Variants in STXBP5L observed in about 807,000 individuals in gnomAD.
STXBP5L encodes syntaxin-binding protein 5-like.
In STXBP5L, 65 loss-of-function variants were observed where a neutral mutation model predicts 144.5. The ratio of observed to expected loss-of-function variants is 0.45; its 90% CI spans 0.37 to 0.55. The LOEUF (loss-of-function observed/expected upper bound fraction) is 0.55, where lower values mean the gene tolerates loss of function less well. Among genes scored for constraint, STXBP5L ranks in the 20% least tolerant of loss-of-function variants. STXBP5L has a pLI of 0.00. For missense variants in STXBP5L, 1,298 were observed against 1,405.5 expected, an observed-to-expected ratio of 0.92 and a Z score of 1.22; for synonymous variants, 505 against 469.6, an observed-to-expected ratio of 1.08 and a Z score of -0.97.
intron 20 of STXBP5L, chr3:121,357,623 C>T (rs1488854135): frequency 6.6e-6 from 1 of 152,204 alleles, no homozygotes; most frequent in African/African-American, 2.4e-5. Flanking sequence ...TTTACTGATG[C>T]TTCAGAGTGC....
At chr3:121,134,447 C>T (rs903427692) in intron 7 of STXBP5L, among the ~76,000 whole-genome samples, 8 of 152,014 alleles carry the variant, frequency 5.3e-5, no homozygotes, top group South Asian at 2.1e-4. Context: ...GGTACATGTG[C>T]GCAATGTGTA....
chr3:121,061,044 G>T (rs1399130539), intron 5 of STXBP5L, among the ~76,000 whole-genome samples: 1 of 151,946 alleles, frequency 6.6e-6, no homozygotes, highest in Non-Finnish European at 1.5e-5. Context: ...TGCTTTTTTA[G>T]TTCTTTTAAT....
chr3:121,175,589 G>A (rs1353886330), intron 9 of STXBP5L, among the ~76,000 whole-genome samples: 1 of 151,850 alleles, frequency 6.6e-6, no homozygotes, highest in Non-Finnish European at 1.5e-5. Flanking sequence ...TAAATGTTAA[G>A]TAAATAGTGG....
At chr3:121,198,696 T>C (rs2048017720) in intron 9 of STXBP5L, among the ~76,000 whole-genome samples, 1 of 152,242 alleles carries the variant, frequency 6.6e-6, no homozygotes, top group Non-Finnish European at 1.5e-5. Context: ...TTCTGTTTTC[T>C]GCATATCGCT....
At chr3:120,997,518 G>T (rs1379685116) in intron 3 of STXBP5L, among the ~76,000 whole-genome samples, 1 of 152,080 alleles carries the variant, frequency 6.6e-6, no homozygotes, top group African/African-American at 2.4e-5. Context: ...ATTTTAATGT[G>T]CATTTCTCTA....
intron 5 of STXBP5L, among the ~76,000 whole-genome samples, chr3:121,094,479 A>T (rs1272365620): frequency 2.0e-5 from 3 of 152,088 alleles, no homozygotes; most frequent in Non-Finnish European, 4.4e-5. Flanking sequence ...ATATATATTT[A>T]GGATAGTTAG....
At chr3:120,999,413 C>A (rs540413026) in intron 3 of STXBP5L, among the ~76,000 whole-genome samples, 13 of 152,120 alleles carry the variant, frequency 8.5e-5, no homozygotes, top group African/African-American at 3.1e-4. Flanking sequence ...TTTTCTTTTC[C>A]ATTTGCATGA....
chr3:121,365,520 G>A (rs1456549232), intron 20 of STXBP5L, among the ~76,000 whole-genome samples: 1 of 151,300 alleles, frequency 6.6e-6, no homozygotes, highest in Non-Finnish European at 1.5e-5. Context: ...TGTGTTTCAG[G>A]AATTATTTTT....
chr3:120,943,274 G>A (rs1269861436), intron 2 of STXBP5L, among the ~76,000 whole-genome samples: 1 of 151,750 alleles, frequency 6.6e-6, no homozygotes, highest in African/African-American at 2.4e-5. Flanking sequence ...GCAGCAATCT[G>A]TAAAGTACAG....
rs149036746 is a variant in STXBP5L at position 121,124,943 on chromosome 3, C to G, written c.669+3239C>G. 2.8e-3 allele frequency among the ~76,000 whole-genome samples: 424 copies of G among 152,156 alleles called. 5 individuals are homozygous for G. Among genetic ancestry groups the G allele is most frequent in the African/African-American group, 9.8e-3 (407 of 41,524 alleles). On this transcript the variant is annotated intron_variant, in intron 7 of 26. Coordinates refer to ENST00000471454, the MANE Select transcript of STXBP5L (RefSeq NM_001308330.2). ...AAACATTCCACCTATTTCCAATATT[C>G]TAAGAGTTTAAAATTATGAATAGTG... is the stretch of plus-strand genomic sequence containing the variant.
At chr3:121,255,592 A>T (rs760093624) in intron 16 of STXBP5L, among the ~76,000 whole-genome samples, 1 of 152,010 alleles carries the variant, frequency 6.6e-6, no homozygotes, top group Non-Finnish European at 1.5e-5. Context: ...AAATTAATGC[A>T]GGCTTTGTTC....
chr3:121,059,699 T>C (rs115841986), intron 5 of STXBP5L, among the ~76,000 whole-genome samples: 5,409 of 152,278 alleles, frequency 0.036, 147 homozygotes, highest in Middle Eastern at 0.082. Flanking sequence ...ACATCCCTTG[T>C]AAGCTGTATT....
intron 9 of STXBP5L, among the ~76,000 whole-genome samples, chr3:121,205,402 T>A (rs1252688180): frequency 6.6e-6 from 1 of 152,160 alleles, no homozygotes; most frequent in Admixed American, 6.6e-5. Flanking sequence ...ACCAACCCAC[T>A]CTCACAATAA....
chr3:121,030,384 A>G (rs979523979), intron 3 of STXBP5L, among the ~76,000 whole-genome samples: 5 of 152,158 alleles, frequency 3.3e-5, no homozygotes, highest in African/African-American at 9.6e-5. Flanking sequence ...TTGCAGGGAC[A>G]TGGATGAAGC....
chr3:121,277,871 G>T (rs1471524323), intron 18 of STXBP5L, among the ~76,000 whole-genome samples: 2 of 151,956 alleles, frequency 1.3e-5, no homozygotes, highest in Non-Finnish European at 2.9e-5. Flanking sequence ...ATTGGTAGTA[G>T]CATAAAATAT....
chr3:121,373,629 A>C (rs1258767964), intron 20 of STXBP5L, among the ~76,000 whole-genome samples: 1 of 152,218 alleles, frequency 6.6e-6, no homozygotes, highest in African/African-American at 2.4e-5. Context: ...CCCAGGGAGC[A>C]GGTGATCTAG....
intron 9 of STXBP5L, among the ~76,000 whole-genome samples, chr3:121,179,117 A>T (rs2108095552): frequency 6.6e-6 from 1 of 152,210 alleles, no homozygotes. Flanking sequence ...ACCTCCCCAC[A>T]TCAACTGAGT....
chr3:121,292,185 C>G (rs1302816859), intron 19 of STXBP5L, among the ~76,000 whole-genome samples: 1 of 151,886 alleles, frequency 6.6e-6, no homozygotes, highest in Non-Finnish European at 1.5e-5. Context: ...TATAGGAACT[C>G]AAATCAGCCA....
chr3:121,136,376 T>C (rs1190067226), intron 7 of STXBP5L, among the ~76,000 whole-genome samples: 1 of 152,022 alleles, frequency 6.6e-6, no homozygotes, highest in Admixed American at 6.6e-5. Flanking sequence ...TGGTGTCAGT[T>C]AGGAACCCAT....
Sources: gnomAD v4.1 joint callset for allele counts (sites outside exome capture counted in the v4.1 genomes callset) on GRCh38, gnomAD v4.1.1 for gene constraint, MANE v1.5 for transcripts, NCBI Gene and HGNC (gene_info 2026-07-23, HGNC 2026-07-21) for gene names.